The following CNOT11 variants were observed in gnomAD, a reference collection of about 807,000 sequenced individuals.
The protein encoded by CNOT11 is CCR4-NOT transcription complex subunit 11, also known as UPF0760 protein C2orf29.
CNOT11 carries 18 observed loss-of-function variants against 44.6 expected under a neutral mutation model. That is an observed-to-expected ratio of 0.40 (90% CI 0.28 to 0.60). The LOEUF is 0.60. Ranked by LOEUF, CNOT11 falls within the 20% of genes least tolerant of loss-of-function variation. The pLI is 0.38. For missense variants in CNOT11, 513 were observed against 677.0 expected, an observed-to-expected ratio of 0.76 and a Z score of 2.69; for synonymous variants, 291 against 270.9, an observed-to-expected ratio of 1.07 and a Z score of -0.73.
chr2:101,258,257 T>C (rs1359441581), intron 2 of CNOT11, among the ~76,000 whole-genome samples: 2 of 151,738 alleles, frequency 1.3e-5, no homozygotes, highest in Non-Finnish European at 2.9e-5. Context: ...TAGCCAGACA[T>C]GGTGGTGCAG....
intron 3 of CNOT11, among the ~76,000 whole-genome samples, chr2:101,264,438 G>T (rs1681933209): frequency 6.6e-6 from 1 of 152,142 alleles, no homozygotes; most frequent in Admixed American, 6.6e-5. Flanking sequence ...AAATCATAGT[G>T]GCAGCTGAAC....
Position 101,262,666 on chromosome 2 carries a change from C to G in CNOT11, c.807C>G (p.Val269=). 2.5e-6 allele frequency: 4 copies of G among 1,614,126 alleles called. No individual in the cohort carries two copies. In the South Asian group the frequency reaches 3.3e-5, roughly 13 times the overall value. Reference sequence around the variant, plus strand: ...CCTCTCAGATCACAGAAGCTTTAGTCAGCGGACCAAAGCCACCTATTGAAA... The same window carrying G: ...CCTCTCAGATCACAGAAGCTTTAGTGAGCGGACCAAAGCCACCTATTGAAA... ...SVASQITEAL[V]SGPKPPIESH... The change falls in exon 3 of 7, where the codon GTC becomes GTG. Residue 269 remains valine (V), a synonymous_variant. Coordinates refer to ENST00000289382, the MANE Select transcript of CNOT11 (RefSeq NM_017546.5).
At position 101,253,771 on chromosome 2, in the gene CNOT11, G is replaced by T. The variant is rs953386496; in HGVS notation, c.514+293G>T. ...TTGACATGTTTAGTGTCTCAAATAC[G>T]GTTCGTTCTTCGAAAACCCGTCTGT... On this transcript the variant is annotated intron_variant, in intron 1 of 6. Coordinates refer to ENST00000289382, the MANE Select transcript of CNOT11 (RefSeq NM_017546.5). The surrounding 1 kb of genome is among the most constrained non-coding windows in gnomAD (Gnocchi z 4.3). Among the ~76,000 whole-genome samples the T allele has an allele frequency of 6.6e-6, 1 of 151,448 alleles. No homozygotes were observed.
rs931303702 is a variant in CNOT11, at chr2:101,253,610, C to G, written c.514+132C>G. On this transcript the variant is annotated intron_variant, in intron 1 of 6. Transcript: ENST00000289382. This position sits in a 1 kb window ranked among gnomAD's most constrained non-coding sequence, Gnocchi z 4.3. ...ATGATCATCCTCTTTTTCCGCCTCT[C>G]TCTGCGTTCCCACGCCCCTCACTCC... is the stretch of plus-strand genomic sequence containing the variant. 11 of 910,964 alleles carry G rather than the reference C, an allele frequency of 1.2e-5. No individual in the cohort carries two copies. The highest frequency in any genetic ancestry group is 3.5e-5 in the African/African-American group (2 of 56,568). 56.4% of individuals were successfully genotyped at this position (910,964 alleles called of 1,614,324 possible). A position where few individuals can be genotyped will look rare whatever the true frequency, so the allele number is the denominator to read the frequency against.
intron 3 of CNOT11, among the ~76,000 whole-genome samples, chr2:101,264,382 C>T (rs764856118): frequency 2.6e-5 from 4 of 152,166 alleles, no homozygotes; most frequent in Non-Finnish European, 4.4e-5. Context: ...TTCATCGCCA[C>T]GTAATTTGTT....
At chr2:101,264,766 A>G in intron 3 of CNOT11, 79 bp from the exon 4 acceptor site, 1 of 1,131,064 alleles carries the variant, frequency 8.8e-7, no homozygotes, top group Non-Finnish European at 1.3e-6. Flanking sequence ...TTCTTTGCAT[A>G]CTTTATTAAG....
intron 5 of CNOT11, among the ~76,000 whole-genome samples, chr2:101,268,125 ATTAATTT>A (rs1165490228): frequency 2.6e-5 from 4 of 152,230 alleles, no homozygotes; most frequent in Non-Finnish European, 5.9e-5. Flanking sequence ...AGGTTTCCAA[ATTAATTT>A]TTAACTTTAA....
intron 5 of CNOT11, 68 bp downstream of exon 5, chr2:101,266,947 G>T (rs1392304089): frequency 8.4e-7 from 1 of 1,184,292 alleles, no homozygotes; most frequent in Non-Finnish European, 1.2e-6. Context: ...AAGAAAAATT[G>T]TAACAGATTT....
rs1398261437 is a variant in CNOT11, at chr2:101,252,931, T to G, written c.-34T>G. The G allele has an allele frequency of 2.8e-6, 4 of 1,403,798 alleles. No individual in the cohort carries two copies. The East Asian group carries it at 1.2e-4, about 42-fold the overall frequency. 87.0% of individuals were successfully genotyped at this position (1,403,798 alleles called of 1,614,324 possible). The stretch of plus-strand genomic sequence containing the variant: ...CGGAGCGAGCCGGCGCCAGGGCCCC[T>G]CGGGCCGGGAAGAGGGGAAGGGGAG... On this transcript the variant is annotated 5_prime_UTR_variant, in exon 1 of 7. Coordinates refer to ENST00000289382, the MANE Select transcript of CNOT11 (RefSeq NM_017546.5).
intron 4 of CNOT11, among the ~76,000 whole-genome samples, chr2:101,265,274 T>C (rs1009933729): frequency 7.9e-5 from 12 of 152,062 alleles, no homozygotes; most frequent in African/African-American, 2.9e-4. Flanking sequence ...CTAATTTTTG[T>C]ATTTTTATGA....
chr2:101,253,447 C>T lies in CNOT11; in HGVS notation c.483C>T (p.Gly161=), dbSNP rs886900544. The change falls in exon 1 of 7, where the codon GGC becomes GGT. Residue 161 remains glycine (G), a synonymous_variant. Transcript: ENST00000289382. The surrounding 1 kb of genome is among the most constrained non-coding windows in gnomAD (Gnocchi z 4.3). ...TCAACCCCGCGCCGCCCGCCCGCGGCGGCCAGGAACCCGACCGCCCTCCGC... is the reference window on the plus strand; with the variant it reads ...TCAACCCCGCGCCGCCCGCCCGCGGTGGCCAGGAACCCGACCGCCCTCCGC... The part of the protein sequence containing the change: ...HLLNPAPPAR[G]GQEPDRPPLS... 2 of 1,517,738 alleles carry T rather than the reference C, an allele frequency of 1.3e-6. No individual in the cohort carries two copies. Among genetic ancestry groups the T allele is most frequent in the South Asian group, 2.5e-5 (2 of 79,426 alleles). The allele number at this position is 1,517,738 out of a possible 1,614,324, so 94.0% of individuals were successfully genotyped here.
chr2:101,255,716 G>A (rs552112757), intron 1 of CNOT11, among the ~76,000 whole-genome samples: 25 of 152,282 alleles, frequency 1.6e-4, no homozygotes, highest in Middle Eastern at 3.4e-3. Flanking sequence ...GTGTAATGCT[G>A]GGTAGTTAAG....
At chr2:101,256,875 T>C (rs1176062755) in intron 1 of CNOT11, among the ~76,000 whole-genome samples, 1 of 151,396 alleles carries the variant, frequency 6.6e-6, no homozygotes, top group Non-Finnish European at 1.5e-5. Flanking sequence ...GGTGAAACCC[T>C]GTCTTTACTA....
chr2:101,260,892 A>AT (rs918966381), intron 2 of CNOT11, among the ~76,000 whole-genome samples: 2 of 149,632 alleles, frequency 1.3e-5, no homozygotes, highest in South Asian at 2.1e-4. Flanking sequence ...ACAATCTGAG[A>AT]TTTTTTTAAA....
rs1419570174 is a variant in CNOT11 at position 101,253,285 on chromosome 2, G to A, written c.321G>A (p.Val107=). Residue 107 remains valine, a synonymous_variant, in exon 1 of 7, where the codon GTG becomes GTA. Transcript: ENST00000289382. This position sits in a 1 kb window ranked among gnomAD's most constrained non-coding sequence, Gnocchi z 4.3. ...CCGACCACTTCCGCCTGGGCTCGGT[G>A]CTCGTCATGCTGCTCCAGCAGCCCG... is the stretch of plus-strand genomic sequence containing the variant. The part of the protein sequence containing the change: ...SKADHFRLGS[V]LVMLLQQPDL... 4 of 1,611,230 alleles carry A rather than the reference G, an allele frequency of 2.5e-6. No homozygotes were observed. Among genetic ancestry groups the A allele is most frequent in the Non-Finnish European group, 3.4e-6 (4 of 1,179,564 alleles).
intron 2 of CNOT11, among the ~76,000 whole-genome samples, chr2:101,258,684 C>T (rs1488509318): frequency 2.0e-5 from 3 of 151,448 alleles, no homozygotes; most frequent in Non-Finnish European, 2.9e-5. Context: ...TCCGGCCAGT[C>T]ACAGTGGCTC....
chr2:101,256,802 A>C (rs531314740), intron 1 of CNOT11, among the ~76,000 whole-genome samples: 1 of 152,298 alleles, frequency 6.6e-6, no homozygotes, highest in Non-Finnish European at 1.5e-5. Context: ...TAATCCCAGC[A>C]CTTTGGGAGG....
chr2:101,258,548 T>G (rs1037038226), intron 2 of CNOT11, among the ~76,000 whole-genome samples: 4 of 151,128 alleles, frequency 2.6e-5, no homozygotes, highest in Admixed American at 6.6e-5. Flanking sequence ...ATTTAGTGGG[T>G]TTTTTTTTAA....
Position 101,253,937 on chromosome 2 carries a change from C to T in CNOT11, c.514+459C>T, listed in dbSNP as rs1681683328. ...ATGAAACACCTTAAAGACTTTGCAG[C>T]CGCCTTTCTTAGCCTGTTAGGGATG... On this transcript the variant is annotated intron_variant, in intron 1 of 6. Transcript: ENST00000289382. The surrounding 1 kb of genome is among the most constrained non-coding windows in gnomAD (Gnocchi z 4.3). 6.6e-6 allele frequency among the ~76,000 whole-genome samples: 1 copy of T among 152,194 alleles called. No individual in the cohort carries two copies. The highest frequency in any genetic ancestry group is 1.5e-5 in the Non-Finnish European group (1 of 68,038).
Sources: allele counts gnomAD v4.1 joint callset (sites outside exome capture counted in the v4.1 genomes callset), GRCh38; gene constraint gnomAD v4.1.1; non-coding constraint Gnocchi (gnomAD v3.1); transcripts MANE v1.5; gene names NCBI Gene and HGNC (gene_info 2026-07-23, HGNC 2026-07-21).